INO80C: variants seen among roughly 807,000 people sequenced by gnomAD.
The protein encoded by INO80C is IES6 homolog.
In INO80C, 17 loss-of-function variants were observed where a neutral mutation model predicts 17.7. The ratio of observed to expected loss-of-function variants is 0.96; its 90% confidence interval spans 0.66 to 1.44. The LOEUF (loss-of-function observed/expected upper bound fraction) is 1.44. Ranked by LOEUF, INO80C falls within the 40% of genes most tolerant of loss-of-function variation. The pLI, the probability that INO80C is intolerant of heterozygous loss-of-function variation, is 0.00. For missense variants in INO80C, 244 were observed against 245.0 expected (o/e 1.00, Z 0.03); for synonymous variants, 96 against 95.8 (o/e 1.00, Z -0.01).
At chr18:35,476,438 A>C (rs976080151) in intron 4 of INO80C, among the ~76,000 whole-genome samples, 4 of 152,254 alleles carry the variant, frequency 2.6e-5, no homozygotes, top group African/African-American at 9.6e-5. Flanking sequence ...TATACCATAG[A>C]TGTTAATAAC....
rs774832982 is a variant in INO80C, at chr18:35,487,395, C to T, written c.157-6832G>A. On this transcript the variant is annotated intron_variant, in intron 1 of 4. Transcript: ENST00000334598. ...GGTTTAATGGACTCACATTTCCACG[C>T]GGCTGGGGAGGCCTCACAATCATGG... The T allele has an allele frequency of 8.9e-5, 35 of 394,588 alleles. 1 individual carries two copies. The highest frequency in any genetic ancestry group is 2.9e-4 in the South Asian group (16 of 54,352). 24.4% of individuals were successfully genotyped at this position (394,588 alleles called of 1,614,324 possible). A position where few individuals can be genotyped will look rare whatever the true frequency, so the allele number is the denominator to read the frequency against.
chr18:35,481,616 G>A (rs2045809608), intron 1 of INO80C, among the ~76,000 whole-genome samples: 1 of 152,202 alleles, frequency 6.6e-6, no homozygotes, highest in Non-Finnish European at 1.5e-5. Flanking sequence ...AGGCATGGTG[G>A]CTCACACCTG....
At chr18:35,469,578 C>A (rs577335791) in intron 4 of INO80C, among the ~76,000 whole-genome samples, 1 of 152,302 alleles carries the variant, frequency 6.6e-6, no homozygotes, top group South Asian at 2.1e-4. Context: ...AGGACTCGGC[C>A]CCAAAGCTAC....
At position 35,472,540 on chromosome 18, in the gene INO80C, T is replaced by G. The variant is rs528935599; in HGVS notation, c.448-3798A>C. ...GTAGGTTGAGAAAATTTTCTCCCATTCTGTAGGTTGCCTGTTCACTGTGAT... is the reference window on the plus strand; with the variant it reads ...GTAGGTTGAGAAAATTTTCTCCCATGCTGTAGGTTGCCTGTTCACTGTGAT... On this transcript the variant is annotated intron_variant, in intron 4 of 4. Transcript: ENST00000334598. Among the ~76,000 whole-genome samples, 1,241 of 152,336 alleles carry G rather than the reference T, an allele frequency of 8.1e-3. 15 individuals are homozygous for G. Among genetic ancestry groups the G allele is most frequent in the African/African-American group, 0.028 (1,178 of 41,564 alleles).
At chr18:35,495,736 G>A (rs1360907896) in intron 1 of INO80C, among the ~76,000 whole-genome samples, 1 of 152,174 alleles carries the variant, frequency 6.6e-6, no homozygotes, top group Non-Finnish European at 1.5e-5. Flanking sequence ...ACCAGTCGCA[G>A]GCTGGGAGCA....
intron 4 of INO80C, 92 bp from the exon 5 acceptor site, chr18:35,468,834 A>C: frequency 8.8e-7 from 1 of 1,131,050 alleles, no homozygotes; most frequent in Non-Finnish European, 1.3e-6. Context: ...ATTTCACTGA[A>C]AGTGATATAT....
At chr18:35,469,529 T>TGCA (rs2045644482) in intron 4 of INO80C, among the ~76,000 whole-genome samples, 1 of 152,132 alleles carries the variant, frequency 6.6e-6, no homozygotes, top group South Asian at 2.1e-4. Context: ...GGACCCCAAC[T>TGCA]GCAGCCCATT....
intron 2 of INO80C, 71 bp from the exon 3 acceptor site, chr18:35,479,482 T>C: frequency 1.1e-6 from 1 of 901,664 alleles, no homozygotes; most frequent in South Asian, 1.4e-5. Flanking sequence ...CTGACATTTA[T>C]GCCTAATCAT....
intron 1 of INO80C, among the ~76,000 whole-genome samples, chr18:35,495,259 C>T (rs1271045484): frequency 1.3e-5 from 2 of 152,166 alleles, no homozygotes; most frequent in Admixed American, 1.3e-4. Flanking sequence ...TGAAATTCCA[C>T]CTCTACCAAA....
chr18:35,474,892 G>A (rs1004467212), intron 4 of INO80C, among the ~76,000 whole-genome samples: 2 of 152,148 alleles, frequency 1.3e-5, no homozygotes, highest in African/African-American at 4.8e-5. Context: ...CGAAATAAGA[G>A]TTTTTAAAAG....
intron 4 of INO80C, among the ~76,000 whole-genome samples, chr18:35,473,838 G>C (rs1425121424): frequency 6.6e-6 from 1 of 152,120 alleles, no homozygotes; most frequent in Non-Finnish European, 1.5e-5. Context: ...TAGAAGTTAA[G>C]TGCAACTAAG....
intron 2 of INO80C, 108 bp from the exon 3 acceptor site, chr18:35,479,519 A>G (rs1262315309): frequency 8.9e-6 from 6 of 676,002 alleles, no homozygotes; most frequent in Non-Finnish European, 1.3e-5. Context: ...TCATCTGTCA[A>G]CAATCATTAA....
At position 35,492,277 on chromosome 18, in the gene INO80C, T is replaced by C. The variant is rs532149673; in HGVS notation, c.156+5442A>G. Among the ~76,000 whole-genome samples the C allele has an allele frequency of 4.2e-3, 643 of 152,316 alleles. 5 individuals are homozygous for C. The highest frequency in any genetic ancestry group is 6.0e-3 in the Non-Finnish European group (407 of 68,016). On this transcript the variant is annotated intron_variant, in intron 1 of 4. Transcript: ENST00000334598. ...TTCAAAATGCAACCTCAATATCCAA[T>C]AATAAAGTCAATTAAATATGAGTAG...
intron 4 of INO80C, 143 bp downstream of exon 4, chr18:35,478,139 A>G: frequency 1.7e-6 from 1 of 595,750 alleles, no homozygotes; most frequent in Non-Finnish European, 2.9e-6. Context: ...TGCAGCAATG[A>G]ACACACTGCA....
At chr18:35,483,039 G>A (rs1192182345) in intron 1 of INO80C, among the ~76,000 whole-genome samples, 2 of 152,058 alleles carry the variant, frequency 1.3e-5, no homozygotes, top group Non-Finnish European at 2.9e-5. Context: ...TGTCTTTTCT[G>A]GTGCGATATC....
intron 4 of INO80C, among the ~76,000 whole-genome samples, chr18:35,469,194 C>A (rs1328040463): frequency 6.6e-6 from 1 of 152,240 alleles, no homozygotes; most frequent in Non-Finnish European, 1.5e-5. Context: ...TCTTCCAACA[C>A]CCCCTGCGCC....
intron 1 of INO80C, chr18:35,489,362 C>T: frequency 3.7e-6 from 1 of 268,394 alleles, no homozygotes; most frequent in South Asian, 3.4e-5. Context: ...GCCTCACAAT[C>T]ATGGTGGAAG....
chr18:35,471,577 G>A (rs2144024501), intron 4 of INO80C, among the ~76,000 whole-genome samples: 1 of 152,198 alleles, frequency 6.6e-6, no homozygotes, highest in East Asian at 1.9e-4. Flanking sequence ...ATTTCTGCAT[G>A]AAGTTCTTTG....
intron 1 of INO80C, chr18:35,487,261 T>C (rs2045886309): frequency 5.4e-6 from 1 of 186,760 alleles, no homozygotes; most frequent in Admixed American, 6.0e-5. Context: ...AGGAATATTC[T>C]AGAAAATAAG....
Sources: gnomAD v4.1 joint callset for allele counts (sites outside exome capture counted in the v4.1 genomes callset) on GRCh38, gnomAD v4.1.1 for gene constraint, MANE v1.5 for transcripts, NCBI Gene and HGNC (gene_info 2026-07-23, HGNC 2026-07-21) for gene names.